The following ADARB2 variants were observed in gnomAD, a reference collection of about 807,000 sequenced individuals.
ADARB2 encodes the protein adenosine deaminase RNA specific B2 (inactive), also known as inactive double-stranded RNA-specific editase B2.
A neutral mutation model predicts 62.2 loss-of-function variants in ADARB2; 25 were observed. The observed-to-expected ratio is 0.40, with a 90% confidence interval of 0.29 to 0.56. ADARB2 has a LOEUF of 0.56. Ranked by LOEUF, ADARB2 falls within the 20% of genes least tolerant of loss-of-function variation. ADARB2 has a pLI of 0.43. For missense variants in ADARB2, 1,071 were observed against 1,077.4 expected (o/e 0.99, Z 0.08); for synonymous variants, 572 against 500.8 (o/e 1.14, Z -1.90).
chr10:1,625,298 A>G (rs1833753025), intron 1 of ADARB2, among the ~76,000 whole-genome samples: 1 of 152,188 alleles, frequency 6.6e-6, no homozygotes, highest in South Asian at 2.1e-4. Context: ...CCTTTAAGGG[A>G]AAATACCCCT....
chr10:1,604,764 A>G (rs1112786), intron 1 of ADARB2, among the ~76,000 whole-genome samples: 137,458 of 152,226 alleles, frequency 0.9, 62,223 homozygotes, highest in South Asian at 0.93. Context: ...CAATGAGTTC[A>G]TGCATCAACT....
intron 1 of ADARB2, among the ~76,000 whole-genome samples, chr10:1,728,447 T>G (rs190781755): frequency 5.1e-4 from 77 of 152,356 alleles, no homozygotes; most frequent in Non-Finnish European, 3.1e-4. Context: ...TCTTTTAATA[T>G]TTCAACTTTC....
chr10:1,205,771 C>T (rs1171706114), intron 7 of ADARB2, among the ~76,000 whole-genome samples: 1 of 152,252 alleles, frequency 6.6e-6, no homozygotes, highest in African/African-American at 2.4e-5. Context: ...CGTGGGCCAG[C>T]GTGTTCTGCG....
At chr10:1,533,489 C>T (rs987309434) in intron 1 of ADARB2, among the ~76,000 whole-genome samples, 1 of 152,010 alleles carries the variant, frequency 6.6e-6, no homozygotes, top group Non-Finnish European at 1.5e-5. Flanking sequence ...GGCATTGCCA[C>T]GTGCGAGTCC....
rs1257544814 is a variant in ADARB2 at position 1,178,504 on chromosome 10, T to C, written c.*4689A>G. 1 of 152,276 alleles carries C rather than the reference T, an allele frequency of 6.6e-6. No homozygotes were observed. The highest frequency in any genetic ancestry group is 2.4e-5 in the African/African-American group (1 of 41,442). The allele number at this position is 152,276 out of a possible 1,614,324, so 9.4% of individuals were successfully genotyped here. A position where few individuals can be genotyped will look rare whatever the true frequency, so the allele number is the denominator to read the frequency against. ...GTTTGACGGGTCACCAGCAGCCCAG[T>C]GTTTCCAGAAACAGCCCTGCTCCTG... On this transcript the variant is annotated 3_prime_UTR_variant, in exon 10 of 10. Transcript: ENST00000381312.
intron 8 of ADARB2, chr10:1,199,327 T>A (rs1836952555): frequency 6.6e-6 from 1 of 152,140 alleles, no homozygotes; most frequent in Non-Finnish European, 1.5e-5. Context: ...ACCTCGCAGC[T>A]GCCAAGGGAC....
chr10:1,282,915 T>C (rs982514525), intron 3 of ADARB2, among the ~76,000 whole-genome samples: 6 of 152,298 alleles, frequency 3.9e-5, no homozygotes, highest in African/African-American at 1.4e-4. Context: ...AGTTATCTCA[T>C]TGTGTATTAT....
chr10:1,687,466 G>A (rs1834611606), intron 1 of ADARB2, among the ~76,000 whole-genome samples: 1 of 151,788 alleles, frequency 6.6e-6, no homozygotes, highest in Non-Finnish European at 1.5e-5. Flanking sequence ...GGACTTGATT[G>A]GATCTCAAAG....
At chr10:1,215,699 C>T (rs1218359604) in intron 7 of ADARB2, 1 of 152,268 alleles carries the variant, frequency 6.6e-6, no homozygotes, top group Non-Finnish European at 1.5e-5. Flanking sequence ...CTGGGTCCCT[C>T]AACCCAGACT....
chr10:1,379,274 G>C lies in ADARB2; in HGVS notation c.101-114C>G, dbSNP rs1055344825. 1.0e-5 allele frequency: 8 copies of C among 800,008 alleles called. No homozygotes were observed. The African/African-American group carries it at 1.4e-4, about 14-fold the overall frequency. The allele number at this position is 800,008 out of a possible 1,614,324, so 49.6% of individuals were successfully genotyped here. ...ACAAGGGAGGTGGAGAGGTCACTTT[G>C]GTTTCAGCCATTTCATTCTGGTTCA... On this transcript the variant is annotated intron_variant, in intron 1 of 9. Transcript: ENST00000381312.
At chr10:1,591,699 C>T (rs78059062) in intron 1 of ADARB2, among the ~76,000 whole-genome samples, 14 of 152,038 alleles carry the variant, frequency 9.2e-5, no homozygotes, top group Non-Finnish European at 1.8e-4. Flanking sequence ...ACCAGGACCC[C>T]CCCACCTGCC....
At chr10:1,373,985 A>ACCCTTCCTAGTGAAACCGCGTGGG (rs1832399898) in intron 2 of ADARB2, among the ~76,000 whole-genome samples, 2 of 98,874 alleles carry the variant, frequency 2.0e-5, no homozygotes, top group Non-Finnish European at 4.2e-5. Context: ...AACCGCGTGG[A>ACCCTTCCTAGTGAAACCGCGTGGG]CTCCGTGCAC....
intron 1 of ADARB2, among the ~76,000 whole-genome samples, chr10:1,401,740 C>T (rs1459779523): frequency 2.8e-4 from 43 of 152,280 alleles, no homozygotes; most frequent in Non-Finnish European, 1.5e-5. Flanking sequence ...CTGTGAGCCT[C>T]ACGCTCTCTA....
At chr10:1,427,771 A>C (rs1421687454) in intron 1 of ADARB2, among the ~76,000 whole-genome samples, 1 of 152,264 alleles carries the variant, frequency 6.6e-6, no homozygotes, top group Admixed American at 6.5e-5. Context: ...AAAAAACTGT[A>C]CATGGATGTT....
chr10:1,720,223 A>C (rs1835073072), intron 1 of ADARB2, among the ~76,000 whole-genome samples: 1 of 152,236 alleles, frequency 6.6e-6, no homozygotes, highest in African/African-American at 2.4e-5. Flanking sequence ...TGTTCTTTGC[A>C]GCAACATGGA....
chr10:1,363,968 G>T lies in ADARB2; in HGVS notation c.188-51C>A. 4.2e-6 allele frequency: 6 copies of T among 1,416,906 alleles called. 1 individual carries two copies. Among genetic ancestry groups the T allele is most frequent in the Middle Eastern group, 2.1e-4 (1 of 4,700 alleles). 87.8% of individuals were successfully genotyped at this position (1,416,906 alleles called of 1,614,324 possible). ...GAGCCTGGGCGGGCGCCGGCAGGTC[G>T]ATGGGCACAGCAGGCACTCCCTGAG... On this transcript the variant is annotated intron_variant, in intron 2 of 9. Coordinates refer to ENST00000381312, the MANE Select transcript of ADARB2 (RefSeq NM_018702.4).
intron 1 of ADARB2, 119 bp downstream of exon 1, chr10:1,736,932 C>T: frequency 9.7e-7 from 1 of 1,028,748 alleles, no homozygotes; most frequent in Non-Finnish European, 1.4e-6. Flanking sequence ...GCAGCCATCC[C>T]GCCAGCACCC....
chr10:1,586,430 C>T (rs959526041), intron 1 of ADARB2, among the ~76,000 whole-genome samples: 2 of 152,174 alleles, frequency 1.3e-5, no homozygotes, highest in Non-Finnish European at 2.9e-5. Flanking sequence ...ATGGCTCAGC[C>T]CACATTTTCA....
chr10:1,445,157 A>C (rs1830953064), intron 1 of ADARB2, among the ~76,000 whole-genome samples: 1 of 135,710 alleles, frequency 7.4e-6, no homozygotes, highest in Admixed American at 7.6e-5. Context: ...CCATCTATCT[A>C]TCTACATTCA....
Sources: gnomAD v4.1 joint callset for allele counts (sites outside exome capture counted in the v4.1 genomes callset) on GRCh38, gnomAD v4.1.1 for gene constraint, MANE v1.5 for transcripts, NCBI Gene and HGNC (gene_info 2026-07-23, HGNC 2026-07-21) for gene names.